The following PTPRF variants were observed in gnomAD, a reference collection of about 807,000 sequenced individuals.
The protein encoded by PTPRF is receptor-type tyrosine-protein phosphatase F.
PTPRF carries 59 observed loss-of-function variants against 201.8 expected under a neutral mutation model. The observed-to-expected ratio is 0.29, with a 90% CI of 0.24 to 0.36. PTPRF has a LOEUF of 0.36. PTPRF is among the 10% of genes least tolerant of loss of function. PTPRF has a pLI of 1.00. For synonymous variants in PTPRF, 1,088 were observed against 1,089.7 expected (o/e 1.00, Z 0.03); for missense variants, 2,132 against 2,690.5 (o/e 0.79, Z 4.59).
At chr1:43,531,620 G>A (rs1211627220) in intron 1 of PTPRF, among the ~76,000 whole-genome samples, 1 of 149,778 alleles carries the variant, frequency 6.7e-6, no homozygotes, top group Non-Finnish European at 1.5e-5. Context: ...TCTCGCTCGC[G>A]GCCCCGGCGC....
Position 43,622,710 on chromosome 1 carries a change from G to C in PTPRF, c.*707G>C, listed in dbSNP as rs748639663. The stretch of plus-strand genomic sequence containing the variant: ...TTAGGCCACATTGACAGTGGTGGGC[G>C]GGGAGAAGATAGGGAACACTCATCC... On this transcript the variant is annotated 3_prime_UTR_variant, in exon 34 of 34. Transcript: ENST00000359947. 2 of 152,552 alleles carry C rather than the reference G, an allele frequency of 1.3e-5. No homozygotes were observed. The highest frequency in any genetic ancestry group is 2.9e-5 in the Non-Finnish European group (2 of 68,046). 9.4% of individuals were successfully genotyped at this position (152,552 alleles called of 1,614,324 possible).
At chr1:43,585,069 G>A (rs985943577) in intron 7 of PTPRF, among the ~76,000 whole-genome samples, 2 of 152,210 alleles carry the variant, frequency 1.3e-5, no homozygotes, top group Admixed American at 6.5e-5. Flanking sequence ...CACAGGGAAC[G>A]GTAATATACT....
At chr1:43,523,146 A>C (rs1182132149), upstream of PTPRF, among the ~76,000 whole-genome samples, 1 of 152,166 alleles carries the variant, frequency 6.6e-6, no homozygotes, top group Non-Finnish European at 1.5e-5. Context: ...CCACTGACTC[A>C]GACAGAGAAC....
At chr1:43,591,719 G>A in intron 9 of PTPRF, 93 bp from the exon 10 acceptor site, 1 of 1,521,780 alleles carries the variant, frequency 6.6e-7, no homozygotes, top group Non-Finnish European at 8.9e-7. Flanking sequence ...ATAAGGGTGT[G>A]AGGTTAGGAC....
intron 7 of PTPRF, chr1:43,583,101 C>A: frequency 1.0e-6 from 1 of 985,504 alleles, no homozygotes; most frequent in Non-Finnish European, 1.2e-6. Context: ...AAGGTTGGTC[C>A]TTTTCACTTC....
intron 7 of PTPRF, among the ~76,000 whole-genome samples, chr1:43,581,008 A>G (rs1185192155): frequency 6.6e-6 from 1 of 152,266 alleles, no homozygotes; most frequent in Non-Finnish European, 1.5e-5. Context: ...CTCTGAAGTC[A>G]CTGTTACACT....
chr1:43,580,523 T>G (rs1382694776), intron 7 of PTPRF, among the ~76,000 whole-genome samples: 1 of 152,204 alleles, frequency 6.6e-6, no homozygotes, highest in African/African-American at 2.4e-5. Context: ...TCCTCAAGGC[T>G]CAGGCCTCAG....
At position 43,615,754 on chromosome 1, in the gene PTPRF, G is replaced by C. The variant is rs1437997752; in HGVS notation, c.4072-1691G>C. ...GCTAATTTTTTTTATTTTTAGTAGA[G>C]ATGGGGTTTCACCGTGTTAGCCAGG... On this transcript the variant is annotated intron_variant, in intron 23 of 33. Coordinates refer to ENST00000359947, the MANE Select transcript of PTPRF (RefSeq NM_002840.5). Among the ~76,000 whole-genome samples, 3 of 151,866 alleles carry C rather than the reference G, an allele frequency of 2.0e-5. No individual in the cohort carries two copies. In the South Asian group the frequency reaches 6.2e-4, roughly 32 times the overall value.
intron 1 of PTPRF, among the ~76,000 whole-genome samples, chr1:43,533,638 G>A (rs1397787947): frequency 3.3e-5 from 5 of 152,132 alleles, no homozygotes; most frequent in African/African-American, 4.8e-5. Context: ...AATCCAACCC[G>A]GACTGGGTCC....
rs1459320595 is a variant in PTPRF, at chr1:43,617,501, G to A, written c.4128G>A (p.Lys1376=). The change falls in exon 24 of 34, where the codon AAG becomes AAA. Residue 1376 remains lysine (K), a synonymous_variant. Coordinates refer to ENST00000359947, the MANE Select transcript of PTPRF (RefSeq NM_002840.5). ...AGAATTCAAACCTGGAGGTGAACAA[G>A]CCCAAGAACCGCTATGCGAATGTCA... is the stretch of plus-strand genomic sequence containing the variant. ...TWENSNLEVN[K]PKNRYANVIA... The A allele has an allele frequency of 1.9e-6, 3 of 1,614,008 alleles. No homozygotes were observed. The highest frequency in any genetic ancestry group is 1.7e-5 in the Admixed American group (1 of 60,010).
At chr1:43,615,718 T>C (rs513373) in intron 23 of PTPRF, among the ~76,000 whole-genome samples, 118,640 of 151,670 alleles carry the variant, frequency 0.78, 47,245 homozygotes, top group African/African-American at 0.92. Flanking sequence ...AGGTGCCCGC[T>C]ACCACACCCG....
rs779610758 is a variant in PTPRF, at chr1:43,605,615, T to A, written c.3476T>A (p.Leu1159Gln). Residue 1159 changes from leucine (L) to glutamine (Q), a missense_variant, in exon 19 of 34, where the codon CTG becomes CAG. Leu to Gln is a moderately radical substitution (Grantham distance 113). Around this residue, in one of 6 missense-constraint regions of PTPRF, gnomAD observed 818 missense variants for 915.3 expected, o/e 0.89. Transcript: ENST00000359947. Reference sequence around the variant, plus strand: ...TGGAGCACACCCGAGGAACTGGAGCTGGACGAGGTACCTGGGGAGGGGATG... The same window carrying A: ...TGGAGCACACCCGAGGAACTGGAGCAGGACGAGGTACCTGGGGAGGGGATG... ...PRWSTPEELE[L>Q]DELLEAIEQG... The A allele has an allele frequency of 1.2e-6, 2 of 1,614,088 alleles. No homozygotes were observed. The highest frequency in any genetic ancestry group is 2.2e-5 in the South Asian group (2 of 91,074).
At position 43,619,392 on chromosome 1, in the gene PTPRF, G is replaced by T; in HGVS notation, c.4751G>T (p.Arg1584Leu). Reference sequence around the variant, plus strand: ...ATCTATGGCCACGTGACCTGCATGCGATCACAGAGGAACTACATGGTGCAG... The same window carrying T: ...ATCTATGGCCACGTGACCTGCATGCTATCACAGAGGAACTACATGGTGCAG... ...VDIYGHVTCM[R>L]SQRNYMVQTE... The change falls in exon 28 of 34, where the codon CGA becomes CTA. Residue 1584 changes from arginine (R) to leucine (L), a missense_variant. Transcript: ENST00000359947. 4 of 1,614,114 alleles carry T rather than the reference G, an allele frequency of 2.5e-6. No homozygotes were observed. Among genetic ancestry groups the T allele is most frequent in the Non-Finnish European group, 3.4e-6 (4 of 1,180,032 alleles).
intron 6 of PTPRF, among the ~76,000 whole-genome samples, chr1:43,574,391 C>T (rs1344175988): frequency 6.6e-6 from 1 of 151,926 alleles, no homozygotes; most frequent in African/African-American, 2.4e-5. Flanking sequence ...ATAATAAAAA[C>T]CTATTATATA....
chr1:43,559,967 TTATG>T (rs898204574), intron 5 of PTPRF, among the ~76,000 whole-genome samples: 2 of 138,174 alleles, frequency 1.4e-5, no homozygotes, highest in African/African-American at 2.8e-5. Flanking sequence ...GGCAGTGTGT[TTATG>T]TGTGTGTGTC....
chr1:43,569,216 C>T (rs572573216), intron 5 of PTPRF, among the ~76,000 whole-genome samples: 1 of 135,746 alleles, frequency 7.4e-6, no homozygotes, highest in South Asian at 2.6e-4. Flanking sequence ...GAGCTCCCTG[C>T]TAGCCCCCCC....
At chr1:43,548,406 T>C (rs565542921) in intron 3 of PTPRF, among the ~76,000 whole-genome samples, 1 of 151,868 alleles carries the variant, frequency 6.6e-6, no homozygotes, top group Non-Finnish European at 1.5e-5. Flanking sequence ...ATTTCCCTCC[T>C]CCCCAGAGCC....
In PTPRF at chr1:43,603,791, C is replaced by T; in HGVS notation, c.2639C>T (p.Thr880Ile). 2 of 1,614,106 alleles carry T rather than the reference C, an allele frequency of 1.2e-6. No individual in the cohort carries two copies. Among genetic ancestry groups the T allele is most frequent in the Non-Finnish European group, 1.7e-6 (2 of 1,180,040 alleles). The change falls in exon 16 of 34, where the codon ACC (threonine) becomes ATC (isoleucine). Residue 880 changes from threonine (T) to isoleucine (I), a missense_variant. Thr to Ile is a moderately conservative substitution (Grantham distance 89, BLOSUM62 -1). Around this residue, in one of 6 missense-constraint regions of PTPRF, gnomAD observed 818 missense variants for 915.3 expected, o/e 0.89. Coordinates refer to ENST00000359947, the MANE Select transcript of PTPRF (RefSeq NM_002840.5). The surrounding 1 kb of genome is among the most constrained non-coding windows in gnomAD (Gnocchi z 5.8). ...FGKDDQHFTV[T>I]GLHKGTTYIF... ...AAGGATGACCAGCACTTCACAGTCACCGGCCTGCACAAGGGGACCACCTAC... is the reference window on the plus strand; with the variant it reads ...AAGGATGACCAGCACTTCACAGTCATCGGCCTGCACAAGGGGACCACCTAC...
chr1:43,595,884 G>GT lies in PTPRF; in HGVS notation c.1814-1861dup, dbSNP rs567620119. 2.8e-3 allele frequency among the ~76,000 whole-genome samples: 432 copies of GT among 152,260 alleles called. 1 individual carries two copies. The highest frequency in any genetic ancestry group is 0.017 in the Middle Eastern group (5 of 294). ...CTGGGGAGCATGGAGGAGGGGGACT[G>GT]TTTCATGTGAGGTGGCAGAGCGAGC... On this transcript the variant is annotated intron_variant, in intron 11 of 33. Coordinates refer to ENST00000359947, the MANE Select transcript of PTPRF (RefSeq NM_002840.5).
Sources: gnomAD v4.1 joint callset for allele counts (sites outside exome capture counted in the v4.1 genomes callset) on GRCh38, gnomAD v4.1.1 for gene constraint, gnomAD v4.1.1 regional missense constraint, Gnocchi (gnomAD v3.1) non-coding constraint, MANE v1.5 for transcripts, NCBI Gene and HGNC (gene_info 2026-07-23, HGNC 2026-07-21) for gene names.